The following DDX20 variants were observed in gnomAD, a reference collection of about 807,000 sequenced individuals.
DDX20 encodes probable ATP-dependent RNA helicase DDX20.
Under a neutral mutation model 76.4 loss-of-function variants are expected in DDX20, and 61 were observed. That is an observed-to-expected ratio of 0.80 (90% CI 0.65 to 0.99). The LOEUF (loss-of-function observed/expected upper bound fraction) is 0.99, where lower values mean the gene tolerates loss of function less well. Ranked by LOEUF, DDX20 falls within the 50% of genes least tolerant of loss-of-function variation. The pLI, the probability that DDX20 is intolerant of heterozygous loss-of-function variation, is 0.00. For synonymous variants in DDX20, 357 were observed against 357.4 expected, an observed-to-expected ratio of 1.00 and a Z score of 0.01; for missense variants, 976 against 996.8, an observed-to-expected ratio of 0.98 and a Z score of 0.28.
chr1:111,757,236 G>C (rs894055929), intron 2 of DDX20, among the ~76,000 whole-genome samples: 2 of 152,018 alleles, frequency 1.3e-5, no homozygotes, highest in Non-Finnish European at 2.9e-5. Flanking sequence ...ATTTTTTGTA[G>C]AGATGGGGTC....
chr1:111,756,664 A>G lies in DDX20; in HGVS notation c.320A>G (p.Lys107Arg). 6.2e-7 allele frequency: 1 copy of G among 1,614,154 alleles called. No homozygotes were observed. Among genetic ancestry groups the G allele is most frequent in the Non-Finnish European group, 8.5e-7 (1 of 1,179,998 alleles). The change falls in exon 2 of 11, where the codon AAA becomes AGA. Residue 107 changes from lysine to arginine, a missense_variant. This residue lies in a region of DDX20 where 343 missense variants were observed against 286.4 expected (regional missense o/e 1.20). Transcript: ENST00000369702. ...TTCGCAGATTTAATTGTTCAAGCTAAATCTGGCACCGGGAAAACCTGTGTG... is the reference window on the plus strand; with the variant it reads ...TTCGCAGATTTAATTGTTCAAGCTAGATCTGGCACCGGGAAAACCTGTGTG... ...RCGLDLIVQAKSGTGKTCVFS... is the reference protein window; with the variant it reads ...RCGLDLIVQARSGTGKTCVFS...
Position 111,767,276 on chromosome 1 carries a change from G to T in DDX20, c.*377G>T. On this transcript the variant is annotated 3_prime_UTR_variant, in exon 11 of 11. Transcript: ENST00000369702. ...ATTTGATTAGTAATATTATTGCTGT[G>T]GAGTTCTTTACAAAGGGCTTAGGCT... The T allele has an allele frequency of 6.1e-6, 1 of 164,914 alleles. No individual in the cohort carries two copies. Among genetic ancestry groups the T allele is most frequent in the Admixed American group, 5.8e-5 (1 of 17,316 alleles). The allele number at this position is 164,914 out of a possible 1,614,324, so 10.2% of individuals were successfully genotyped here.
intron 10 of DDX20, 79 bp from the exon 11 acceptor site, chr1:111,765,658 A>C: frequency 8.3e-7 from 1 of 1,201,846 alleles, no homozygotes; most frequent in South Asian, 1.6e-5. Flanking sequence ...GATCATAGAA[A>C]ACTTTATGAA....
At position 111,756,571 on chromosome 1, in the gene DDX20, TTC is replaced by T. The variant is rs1203231058; in HGVS notation, c.302-71_302-70del. 7.8e-6 allele frequency: 10 copies of T among 1,288,938 alleles called. 1 individual carries two copies. The Admixed American group carries it at 1.8e-4, about 23-fold the overall frequency. 79.8% of individuals were successfully genotyped at this position (1,288,938 alleles called of 1,614,324 possible). On this transcript the variant is annotated intron_variant, in intron 1 of 10. Coordinates refer to ENST00000369702, the MANE Select transcript of DDX20 (RefSeq NM_007204.5). Reference sequence around the variant, plus strand: ...GGGGAATCTCAGGAGACCCTTCTAGTTCTCTGATTCCATGTTAGCCCCTAAGT... The same window carrying T: ...GGGGAATCTCAGGAGACCCTTCTAGTTCTGATTCCATGTTAGCCCCTAAGT...
At chr1:111,757,341 A>G (rs79296329) in intron 2 of DDX20, among the ~76,000 whole-genome samples, 1 of 152,162 alleles carries the variant, frequency 6.6e-6, no homozygotes, top group Admixed American at 6.5e-5. Flanking sequence ...ATGAGCCACC[A>G]CAGCCGGTAT....
In DDX20 at chr1:111,766,896, G is replaced by A; in HGVS notation, c.2472G>A (p.Gln824=). 1.9e-6 allele frequency: 3 copies of A among 1,604,384 alleles called. No individual in the cohort carries two copies. The highest frequency in any genetic ancestry group is 2.6e-6 in the Non-Finnish European group (3 of 1,176,126). The change falls in exon 11 of 11, where the codon CAG becomes CAA. Residue 824 remains glutamine, a synonymous_variant. Transcript: ENST00000369702. ...TACAAGAAATGATGCATAGTAACCA[G>A]TGATTATAGGATATACCTGAGACCA... The part of the protein sequence containing the change: ...IYLQEMMHSN[Q]
At chr1:111,764,115 T>TA (rs972453329) in intron 10 of DDX20, among the ~76,000 whole-genome samples, 11 of 150,288 alleles carry the variant, frequency 7.3e-5, no homozygotes, top group South Asian at 2.1e-4. Context: ...CTGTCTCTAC[T>TA]AAAAAAAAAT....
intron 1 of DDX20, 65 bp from the exon 2 acceptor site, chr1:111,756,581 C>A: frequency 7.3e-7 from 1 of 1,377,686 alleles, no homozygotes; most frequent in South Asian, 1.2e-5. Context: ...TTCTCTGATT[C>A]CATGTTAGCC....
At chr1:111,759,274 C>G in intron 2 of DDX20, 126 bp from the exon 3 acceptor site, 2 of 815,760 alleles carry the variant, frequency 2.5e-6, no homozygotes, top group Middle Eastern at 3.9e-4. Context: ...TGTACCTTAC[C>G]TTATCAATAA....
chr1:111,766,979 A>G lies in DDX20; in HGVS notation c.*80A>G. The stretch of plus-strand genomic sequence containing the variant: ...ATCCATCCTCCTCGACTTATAGTAC[A>G]GTGGTGTATAGTGGCATTTCTGATA... On this transcript the variant is annotated 3_prime_UTR_variant, in exon 11 of 11. Coordinates refer to ENST00000369702, the MANE Select transcript of DDX20 (RefSeq NM_007204.5). The G allele has an allele frequency of 9.6e-7, 1 of 1,037,844 alleles. No homozygotes were observed. The highest frequency in any genetic ancestry group is 1.4e-6 in the Non-Finnish European group (1 of 718,796). 64.3% of individuals were successfully genotyped at this position (1,037,844 alleles called of 1,614,324 possible).
In DDX20 at chr1:111,760,530, T is replaced by C; in HGVS notation, c.622T>C (p.Phe208Leu). The C allele has an allele frequency of 1.2e-6, 2 of 1,613,414 alleles. No homozygotes were observed. Among genetic ancestry groups the C allele is most frequent in the Non-Finnish European group, 1.7e-6 (2 of 1,179,840 alleles). The change falls in exon 4 of 11, where the codon TTT becomes CTT. Residue 208 changes from phenylalanine to leucine, a missense_variant. By Grantham distance (22) the Phe-to-Leu change is conservative. Around this residue, in one of 3 missense-constraint regions of DDX20, gnomAD observed 343 missense variants for 286.4 expected, o/e 1.20. Transcript: ENST00000369702. ...CTTGAACCCAGGCAGTATACGCCTC[T>C]TTATTCTTGATGAAGCAGATAAGCT... is the stretch of plus-strand genomic sequence containing the variant. Reference protein sequence around the residue: ...DYLNPGSIRLFILDEADKLLE... With the variant: ...DYLNPGSIRLLILDEADKLLE...
intron 3 of DDX20, chr1:111,760,257 A>G: frequency 2.3e-6 from 1 of 429,040 alleles, no homozygotes; most frequent in Non-Finnish European, 4.1e-6. Context: ...AATGGTGTTT[A>G]TTTACTGGTG....
At position 111,762,987 on chromosome 1, in the gene DDX20, T is replaced by C; in HGVS notation, c.1292T>C (p.Ile431Thr). The C allele has an allele frequency of 6.2e-7, 1 of 1,613,022 alleles. No individual in the cohort carries two copies. Among genetic ancestry groups the C allele is most frequent in the Non-Finnish European group, 8.5e-7 (1 of 1,179,014 alleles). Reference sequence around the variant, plus strand: ...ATGAGAATTGCCCAGAAATGTAATATCAACCTTCTCCCTTTACCAGGTACA... The same window carrying C: ...ATGAGAATTGCCCAGAAATGTAATACCAACCTTCTCCCTTTACCAGGTACA... ...MMMRIAQKCN[I>T]NLLPLPDPIP... is the part of the protein sequence containing the mutation. Residue 431 changes from isoleucine to threonine, a missense_variant, in exon 10 of 11, where the codon ATC becomes ACC. Ile to Thr is a moderately conservative substitution (Grantham distance 89). Coordinates refer to ENST00000369702, the MANE Select transcript of DDX20 (RefSeq NM_007204.5).
In DDX20 at chr1:111,766,300, C is replaced by T; in HGVS notation, c.1876C>T (p.Pro626Ser). ...AGGCCCTGGGGATCAGACTGTGAAT[C>T]CTCAAAATGGTTTTGTGAGAAATAA... ...YTGPGDQTVN[P>S]QNGFVRNKVI... Residue 626 changes from proline to serine, a missense_variant, in exon 11 of 11, where the codon CCT becomes TCT. Pro to Ser is a moderately conservative substitution (Grantham distance 74, BLOSUM62 -1). Coordinates refer to ENST00000369702, the MANE Select transcript of DDX20 (RefSeq NM_007204.5). 1.9e-6 allele frequency: 3 copies of T among 1,614,144 alleles called. No individual in the cohort carries two copies. Among genetic ancestry groups the T allele is most frequent in the East Asian group, 2.2e-5 (1 of 44,886 alleles).
chr1:111,766,858 A>G lies in DDX20; in HGVS notation c.2434A>G (p.Asn812Asp), dbSNP rs763577760. The change falls in exon 11 of 11, where the codon AAT becomes GAT. Residue 812 changes from asparagine to aspartate, a missense_variant. Asn to Asp is a conservative substitution (Grantham distance 23, BLOSUM62 1). This residue lies in a region of DDX20 where 630 missense variants were observed against 693.7 expected (regional missense o/e 0.91). Coordinates refer to ENST00000369702, the MANE Select transcript of DDX20 (RefSeq NM_007204.5). ...HPSWMAAYHM[N>D]TIYLQEMMHS... ...AAGTTGGATGGCAGCTTATCACATG[A>G]ATACCATTTATCTACAAGAAATGAT... 2.5e-6 allele frequency: 4 copies of G among 1,613,184 alleles called. No individual in the cohort carries two copies. The South Asian group carries it at 4.4e-5, about 18-fold the overall frequency.
chr1:111,759,990 A>G (rs1420022788), intron 3 of DDX20, among the ~76,000 whole-genome samples: 2 of 150,368 alleles, frequency 1.3e-5, no homozygotes, highest in East Asian at 1.9e-4. Flanking sequence ...AAAAAAAAAA[A>G]AAAAAGAAAT....
rs759581160 is a variant in DDX20, at chr1:111,762,670, A to T, written c.1105-7A>T. ...AAACAAATAATTGCTATCTTCTTCA[A>T]TTCAAGACTTCTCGTGGGATTGATG... On this transcript the variant is annotated splice_polypyrimidine_tract_variant and splice_region_variant and intron_variant, in intron 8 of 10. Coordinates refer to ENST00000369702, the MANE Select transcript of DDX20 (RefSeq NM_007204.5). 1.2e-6 allele frequency: 2 copies of T among 1,610,738 alleles called. No homozygotes were observed. Among genetic ancestry groups the T allele is most frequent in the Non-Finnish European group, 1.7e-6 (2 of 1,177,480 alleles).
intron 1 of DDX20, 41 bp downstream of exon 1, chr1:111,756,266 G>GGGGGGGGGGGGT: frequency 1.2e-6 from 1 of 842,540 alleles, no homozygotes; most frequent in Non-Finnish European, 1.7e-6. Flanking sequence ...GGTGGGGTGG[G>GGGGGGGGGGGGT]AGAAGGGGGA....
Position 111,756,109 on chromosome 1 carries a change from C to T in DDX20, c.185C>T (p.Ala62Val). Residue 62 changes from alanine to valine, a missense_variant, in exon 1 of 11, where the codon GCC (alanine) becomes GTC (valine). Physicochemically the swap from Ala to Val is moderately conservative, Grantham distance 64. This residue lies in a region of DDX20 where 343 missense variants were observed against 286.4 expected (regional missense o/e 1.20). Transcript: ENST00000369702. ...RTGDVLLAEP[A>V]DFESLLLSRP... ...GGGGATGTGCTGTTGGCGGAGCCGGCCGACTTCGAGTCACTGCTGCTTTCG... is the reference window on the plus strand; with the variant it reads ...GGGGATGTGCTGTTGGCGGAGCCGGTCGACTTCGAGTCACTGCTGCTTTCG... The T allele has an allele frequency of 1.3e-6, 2 of 1,597,294 alleles. No individual in the cohort carries two copies. Among genetic ancestry groups the T allele is most frequent in the East Asian group, 4.5e-5 (2 of 44,674 alleles).
Sources: allele counts gnomAD v4.1 joint callset (sites outside exome capture counted in the v4.1 genomes callset), GRCh38; gene constraint gnomAD v4.1.1; regional missense constraint gnomAD v4.1.1; transcripts MANE v1.5; gene names NCBI Gene and HGNC (gene_info 2026-07-23, HGNC 2026-07-21).